The following EPHA6 variants were observed in gnomAD, a reference collection of about 807,000 sequenced individuals.
The protein encoded by EPHA6 is ephrin type-A receptor 6.
Under a neutral mutation model 112.0 loss-of-function variants are expected in EPHA6, and 50 were observed. That is an observed-to-expected ratio of 0.45 (90% CI 0.36 to 0.56). EPHA6 has a LOEUF of 0.56. Ranked by LOEUF, EPHA6 falls within the 20% of genes least tolerant of loss-of-function variation. The pLI is 0.00. For missense variants in EPHA6, 1,280 were observed against 1,417.4 expected (o/e 0.90, Z 1.56); for synonymous variants, 529 against 490.7 (o/e 1.08, Z -1.03).
chr3:96,845,048 A>G (rs954236639), intron 1 of EPHA6, among the ~76,000 whole-genome samples: 2 of 152,034 alleles, frequency 1.3e-5, no homozygotes, highest in African/African-American at 2.4e-5. Flanking sequence ...GTTCACTACT[A>G]TTTTCCAAGT....
intron 2 of EPHA6, among the ~76,000 whole-genome samples, chr3:96,928,106 A>G (rs937244896): frequency 1.3e-5 from 2 of 152,198 alleles, no homozygotes; most frequent in African/African-American, 4.8e-5. Flanking sequence ...ACCTCTCGCC[A>G]GGTCCTTCCC....
intron 6 of EPHA6, among the ~76,000 whole-genome samples, chr3:97,405,492 T>C (rs572688733): frequency 6.6e-6 from 1 of 152,224 alleles, no homozygotes; most frequent in African/African-American, 2.4e-5. Context: ...GTAGAAGATG[T>C]AAGATGTTCA....
intron 14 of EPHA6, among the ~76,000 whole-genome samples, chr3:97,668,003 A>T (rs1320321635): frequency 1.3e-5 from 2 of 152,222 alleles, no homozygotes; most frequent in African/African-American, 2.4e-5. Context: ...CAAGAGAAAG[A>T]TCACCAAGAG....
At chr3:96,938,793 AATTT>A (rs1262288019) in intron 2 of EPHA6, among the ~76,000 whole-genome samples, 1 of 151,996 alleles carries the variant, frequency 6.6e-6, no homozygotes, top group Non-Finnish European at 1.5e-5. Context: ...ATCAATACCT[AATTT>A]ATTGAGAGTT....
Position 97,562,988 on chromosome 3 carries a change from C to T in EPHA6, c.2387-29624C>T, listed in dbSNP as rs1023074413. On this transcript the variant is annotated intron_variant, in intron 11 of 17. Coordinates refer to ENST00000389672, the MANE Select transcript of EPHA6 (RefSeq NM_001080448.3). ...GTATTTTGTATTTTTAGGCATAATG[C>T]TGTTGCACACTTAATAAACTACAGT... Among the ~76,000 whole-genome samples the T allele has an allele frequency of 3.3e-5, 5 of 152,056 alleles. No homozygotes were observed. In the South Asian group the frequency reaches 8.3e-4, roughly 25 times the overall value.
chr3:97,467,654 A>C (rs1000894975), intron 7 of EPHA6, among the ~76,000 whole-genome samples: 2 of 151,852 alleles, frequency 1.3e-5, no homozygotes, highest in African/African-American at 4.8e-5. Context: ...AGATGTAAAT[A>C]TTCTTTGAGA....
chr3:97,567,078 C>T (rs895800627), intron 11 of EPHA6, among the ~76,000 whole-genome samples: 13 of 152,124 alleles, frequency 8.5e-5, no homozygotes, highest in African/African-American at 2.9e-4. Flanking sequence ...CTAGTATTTT[C>T]GGTTCATTCA....
At chr3:97,519,801 AAC>A (rs999694814) in intron 10 of EPHA6, among the ~76,000 whole-genome samples, 50 of 151,934 alleles carry the variant, frequency 3.3e-4, no homozygotes, top group Non-Finnish European at 6.6e-4. Context: ...GGTGTGTAGA[AAC>A]ACTGCTGATT....
intron 3 of EPHA6, among the ~76,000 whole-genome samples, chr3:97,043,785 T>C (rs2045403220): frequency 1.3e-5 from 2 of 152,182 alleles, no homozygotes; most frequent in African/African-American, 4.8e-5. Flanking sequence ...GTCTTTTGAA[T>C]ATATTGTCAT....
chr3:97,672,907 A>G (rs1187647030), intron 14 of EPHA6, among the ~76,000 whole-genome samples: 2 of 152,130 alleles, frequency 1.3e-5, no homozygotes, highest in South Asian at 2.1e-4. Context: ...CTCAGTTTTG[A>G]TTTATTAGCA....
intron 12 of EPHA6, among the ~76,000 whole-genome samples, chr3:97,608,724 T>C (rs2093697361): frequency 6.6e-6 from 1 of 151,124 alleles, no homozygotes; most frequent in Non-Finnish European, 1.5e-5. Flanking sequence ...GAGACAGGAT[T>C]AAATAAATAC....
chr3:97,685,546 G>A (rs1454010093), intron 14 of EPHA6, among the ~76,000 whole-genome samples: 2 of 152,096 alleles, frequency 1.3e-5, no homozygotes, highest in African/African-American at 4.8e-5. Flanking sequence ...TAGTATGACA[G>A]AGGCCTCCAC....
At chr3:97,732,922 C>T (rs1468409414) in intron 15 of EPHA6, among the ~76,000 whole-genome samples, 1 of 151,974 alleles carries the variant, frequency 6.6e-6, no homozygotes, top group Non-Finnish European at 1.5e-5. Flanking sequence ...TTTCGCAAGG[C>T]TGTAAATTAA....
In EPHA6 at chr3:96,905,274, T is replaced by C. The variant is rs184145343; in HGVS notation, c.450+38385T>C. On this transcript the variant is annotated intron_variant, in intron 2 of 17. Coordinates refer to ENST00000389672, the MANE Select transcript of EPHA6 (RefSeq NM_001080448.3). The stretch of plus-strand genomic sequence containing the variant: ...AACCGAGTTCTTAAGATCTTTCTTC[T>C]CTATAAAAAAGGTCTGAAATTATAG... Among the ~76,000 whole-genome samples, 37 of 152,196 alleles carry C rather than the reference T, an allele frequency of 2.4e-4. No homozygotes were observed. The East Asian group carries it at 7.0e-3, about 29-fold the overall frequency.
At chr3:97,192,070 C>T (rs542244924) in intron 3 of EPHA6, among the ~76,000 whole-genome samples, 1 of 152,104 alleles carries the variant, frequency 6.6e-6, no homozygotes, top group Non-Finnish European at 1.5e-5. Flanking sequence ...ATTTGCATTT[C>T]TGTGATAATC....
In EPHA6 at chr3:97,754,315, C is replaced by T. The variant is rs1182719837; in HGVS notation, c.*5614C>T. ...GTTGGTTAGGCTGGTCTCGAACTCC[C>T]GACCTCAGGTGATCTGCCCGCCTCA... On this transcript the variant is annotated 3_prime_UTR_variant, in exon 18 of 18. Transcript: ENST00000389672. Among the ~76,000 whole-genome samples, 2 of 151,960 alleles carry T rather than the reference C, an allele frequency of 1.3e-5. No homozygotes were observed. Among genetic ancestry groups the T allele is most frequent in the African/African-American group, 4.8e-5 (2 of 41,368 alleles).
intron 3 of EPHA6, among the ~76,000 whole-genome samples, chr3:97,166,088 G>A (rs180834761): frequency 2.5e-4 from 38 of 152,104 alleles, no homozygotes; most frequent in Non-Finnish European, 4.7e-4. Flanking sequence ...TTGAATTTGG[G>A]TGATTGTTTT....
At chr3:97,165,683 C>A (rs1329063147) in intron 3 of EPHA6, among the ~76,000 whole-genome samples, 2 of 152,072 alleles carry the variant, frequency 1.3e-5, no homozygotes, top group African/African-American at 4.8e-5. Context: ...GTTAAGTTTT[C>A]TGCAGAAGGA....
chr3:97,448,585 C>G lies in EPHA6; in HGVS notation c.1749C>G (p.Thr583=), dbSNP rs372807232. 1 of 1,613,278 alleles carries G rather than the reference C, an allele frequency of 6.2e-7. No homozygotes were observed. Among genetic ancestry groups the G allele is most frequent in the Non-Finnish European group, 8.5e-7 (1 of 1,179,452 alleles). The change falls in exon 7 of 18, where the codon ACC becomes ACG. Residue 583 remains threonine, a synonymous_variant. Transcript: ENST00000389672. ...KYYEKEHEQL[T]YSSTRSKAPS... is the part of the protein sequence containing the mutation. The stretch of plus-strand genomic sequence containing the variant: ...TCCCCCAGGAACATGAGCAGCTGAC[C>G]TACTCTTCCACAAGGTCCAAAGCCC...
Sources: allele counts gnomAD v4.1 joint callset (sites outside exome capture counted in the v4.1 genomes callset), GRCh38; gene constraint gnomAD v4.1.1; transcripts MANE v1.5; gene names NCBI Gene and HGNC (gene_info 2026-07-23, HGNC 2026-07-21).